WDFY1: variants seen among roughly 807,000 people sequenced by gnomAD.
The protein encoded by WDFY1 is WD repeat and FYVE domain-containing protein 1.
Under a neutral mutation model 56.4 loss-of-function variants are expected in WDFY1, and 32 were observed. That is an observed-to-expected ratio of 0.57 (90% CI 0.43 to 0.76). The LOEUF is 0.76. Among genes scored for constraint, WDFY1 ranks in the 30% least tolerant of loss-of-function variants. The pLI, the probability that WDFY1 is intolerant of heterozygous loss-of-function variation, is 0.00. For missense variants in WDFY1, 480 were observed against 545.7 expected (o/e 0.88, Z 1.20); for synonymous variants, 192 against 197.3 (o/e 0.97, Z 0.23).
chr2:223,886,649 G>GA (rs1308937892), intron 8 of WDFY1, among the ~76,000 whole-genome samples: 2 of 140,718 alleles, frequency 1.4e-5, no homozygotes, highest in African/African-American at 5.3e-5. Context: ...AAAATCGCTT[G>GA]AAACTGGGAG....
chr2:223,934,119 C>A, intron 1 of WDFY1, among the ~76,000 whole-genome samples: 1 of 145,356 alleles, frequency 6.9e-6, no homozygotes, highest in East Asian at 2.2e-4. Flanking sequence ...AAGAGAATCT[C>A]ACTCTGTCAC....
intron 1 of WDFY1, among the ~76,000 whole-genome samples, chr2:223,944,760 C>A (rs1398657957): frequency 9.0e-6 from 1 of 111,730 alleles, no homozygotes; most frequent in Non-Finnish European, 1.8e-5. Context: ...GGGTCCTGAG[C>A]AGGAGGGGCG....
intron 2 of WDFY1, among the ~76,000 whole-genome samples, chr2:223,914,721 T>C (rs531770193): frequency 1.7e-4 from 26 of 152,344 alleles, no homozygotes; most frequent in Middle Eastern, 3.4e-3. Flanking sequence ...AGCTTGCTTA[T>C]TCACAAAATG....
intron 1 of WDFY1, among the ~76,000 whole-genome samples, chr2:223,940,343 C>T (rs1368398638): frequency 6.6e-6 from 1 of 152,026 alleles, no homozygotes; most frequent in East Asian, 1.9e-4. Flanking sequence ...AATTTTAGCA[C>T]CAAACGAGTT....
chr2:223,888,635 G>A (rs1307892189), intron 8 of WDFY1, among the ~76,000 whole-genome samples: 3 of 147,000 alleles, frequency 2.0e-5, no homozygotes, highest in African/African-American at 7.6e-5. Flanking sequence ...TGCCCAGGCT[G>A]GAGTGCGTTG....
At chr2:223,899,614 C>T (rs1693467758) in intron 5 of WDFY1, among the ~76,000 whole-genome samples, 1 of 152,040 alleles carries the variant, frequency 6.6e-6, no homozygotes. Flanking sequence ...GGCGTGGTGG[C>T]ACACGCCTGT....
intron 1 of WDFY1, among the ~76,000 whole-genome samples, chr2:223,928,724 C>T (rs73992109): frequency 0.013 from 2,036 of 152,286 alleles, 38 homozygotes; most frequent in Middle Eastern, 0.058. Context: ...CACAACTTTC[C>T]TTTTTTCCAT....
At chr2:223,897,647 T>A (rs1457195717) in intron 6 of WDFY1, among the ~76,000 whole-genome samples, 1 of 152,096 alleles carries the variant, frequency 6.6e-6, no homozygotes, top group Non-Finnish European at 1.5e-5. Flanking sequence ...CCCAAAGTGC[T>A]GGGATTACAG....
intron 1 of WDFY1, among the ~76,000 whole-genome samples, chr2:223,918,660 A>T (rs1693836100): frequency 6.6e-6 from 1 of 151,944 alleles, no homozygotes; most frequent in South Asian, 2.1e-4. Context: ...ACAAATGTTC[A>T]TTACAAAATG....
intron 3 of WDFY1, among the ~76,000 whole-genome samples, chr2:223,911,818 CTT>C (rs11311685): frequency 2.2e-3 from 308 of 141,082 alleles, no homozygotes; most frequent in Middle Eastern, 7.2e-3. Flanking sequence ...CTGAATTAAA[CTT>C]TTTTTTTTTT....
chr2:223,880,571 C>T (rs1409165885), intron 10 of WDFY1, among the ~76,000 whole-genome samples: 1 of 147,354 alleles, frequency 6.8e-6, no homozygotes, highest in Non-Finnish European at 1.5e-5. Context: ...TGTACCACTG[C>T]ACTCCAGCCC....
chr2:223,884,725 A>T lies in WDFY1; in HGVS notation c.856T>A (p.Ser286Thr). 6.2e-7 allele frequency: 1 copy of T among 1,614,150 alleles called. No homozygotes were observed. Among genetic ancestry groups the T allele is most frequent in the Non-Finnish European group, 8.5e-7 (1 of 1,179,998 alleles). ...AATGGCTGCTCACATTTCTGACAAGAATCACTTTCCAACCACTGAGGAGCC... is the reference window on the plus strand; with the variant it reads ...AATGGCTGCTCACATTTCTGACAAGTATCACTTTCCAACCACTGAGGAGCC... ...EEAPQWLESD[S>T]CQKCEQPFFW... is the part of the protein sequence containing the mutation. The change falls in exon 9 of 12, where the codon TCT (serine) becomes ACT (threonine). Residue 286 changes from serine (S) to threonine (T), a missense_variant. Physicochemically the swap from Ser to Thr is moderately conservative, Grantham distance 58. Transcript: ENST00000233055.
intron 1 of WDFY1, among the ~76,000 whole-genome samples, chr2:223,941,591 A>G (rs1689306692): frequency 6.6e-6 from 1 of 152,128 alleles, no homozygotes; most frequent in Non-Finnish European, 1.5e-5. Flanking sequence ...TGCTGAATAC[A>G]TAGGGGCCAT....
chr2:223,880,191 A>T lies in WDFY1; in HGVS notation c.1106T>A (p.Ile369Asn). Residue 369 changes from isoleucine (I) to asparagine (N), a missense_variant, in exon 11 of 12, where the codon ATT becomes AAT. Ile to Asn is a moderately radical substitution (Grantham distance 149, BLOSUM62 -3). Transcript: ENST00000233055. Reference protein sequence around the residue: ...LATFHEGKHNISHMSMDIARG... With the variant: ...LATFHEGKHNNSHMSMDIARG... ...GGCAATGTCCATGGACATGTGGGAA[A>T]TGTTATGTTTTCCTTCATGAAAGGT... is the stretch of plus-strand genomic sequence containing the variant. 1 of 1,614,146 alleles carries T rather than the reference A, an allele frequency of 6.2e-7. No homozygotes were observed. Among genetic ancestry groups the T allele is most frequent in the Non-Finnish European group, 8.5e-7 (1 of 1,179,990 alleles).
At chr2:223,889,821 G>A (rs1230639309) in intron 8 of WDFY1, among the ~76,000 whole-genome samples, 1 of 152,240 alleles carries the variant, frequency 6.6e-6, no homozygotes, top group East Asian at 1.9e-4. Context: ...AGAATACTAC[G>A]TGGCATACAA....
intron 1 of WDFY1, among the ~76,000 whole-genome samples, chr2:223,924,913 T>C (rs1342679265): frequency 1.3e-5 from 2 of 152,026 alleles, no homozygotes; most frequent in African/African-American, 2.4e-5. Context: ...TGCTCCAATA[T>C]AGAGAGAAAC....
intron 2 of WDFY1, among the ~76,000 whole-genome samples, chr2:223,912,692 A>G (rs1693725417): frequency 6.6e-6 from 1 of 152,132 alleles, no homozygotes; most frequent in Admixed American, 6.5e-5. Context: ...CACCCTTCCC[A>G]TCAAATGTCA....
intron 1 of WDFY1, among the ~76,000 whole-genome samples, chr2:223,925,273 G>A (rs1020252773): frequency 6.6e-6 from 1 of 150,976 alleles, no homozygotes; most frequent in Non-Finnish European, 1.5e-5. Flanking sequence ...AGATATTGCA[G>A]GTTTATCACA....
intron 8 of WDFY1, among the ~76,000 whole-genome samples, chr2:223,886,256 T>C (rs1201217581): frequency 6.6e-6 from 1 of 151,714 alleles, no homozygotes; most frequent in Non-Finnish European, 1.5e-5. Context: ...GAAGAATCAC[T>C]TGAACCCAGG....
Sources: gnomAD v4.1 joint callset for allele counts (sites outside exome capture counted in the v4.1 genomes callset) on GRCh38, gnomAD v4.1.1 for gene constraint, MANE v1.5 for transcripts, NCBI Gene and HGNC (gene_info 2026-07-23, HGNC 2026-07-21) for gene names.